The following PCCA variants were observed in gnomAD, a reference collection of about 807,000 sequenced individuals.
PCCA encodes the protein propionyl-CoA carboxylase subunit alpha, also known as propionyl-CoA carboxylase alpha chain, mitochondrial.
Under a neutral mutation model 101.3 loss-of-function variants are expected in PCCA, and 74 were observed. The ratio of observed to expected loss-of-function variants is 0.73; its 90% confidence interval spans 0.61 to 0.89. PCCA has a LOEUF of 0.89. PCCA is among the 40% of genes least tolerant of loss of function. The probability of loss-of-function intolerance (pLI) is 0.00; values close to 1 mark genes in which losing one functional copy is unlikely to be tolerated. For missense variants in PCCA, 891 were observed against 907.0 expected, an observed-to-expected ratio of 0.98 and a Z score of 0.23; for synonymous variants, 294 against 313.6, an observed-to-expected ratio of 0.94 and a Z score of 0.66.
intron 20 of PCCA, among the ~76,000 whole-genome samples, chr13:100,426,369 A>AG (rs1226357695): frequency 1.1e-4 from 17 of 152,030 alleles, no homozygotes; most frequent in African/African-American, 3.9e-4. Flanking sequence ...GAAAAAAAAA[A>AG]AAATCATGGA....
At chr13:100,327,539 A>G (rs987726860) in intron 16 of PCCA, among the ~76,000 whole-genome samples, 1 of 152,348 alleles carries the variant, frequency 6.6e-6, no homozygotes, top group Admixed American at 6.5e-5. Flanking sequence ...TAACCTTTGT[A>G]TGTAAGTCTT....
rs906829942 is a variant in PCCA, at chr13:100,246,107, G to C, written c.637+10229G>C. ...GGGGTGTGGGCTGCCCCTAGGAAGG[G>C]GCATGACCTTAGGCAGAAAGCCGAG... On this transcript the variant is annotated intron_variant, in intron 8 of 23. Coordinates refer to ENST00000376285, the MANE Select transcript of PCCA (RefSeq NM_000282.4). Among the ~76,000 whole-genome samples, 13 of 152,140 alleles carry C rather than the reference G, an allele frequency of 8.5e-5. 1 individual carries two copies. The highest frequency in any genetic ancestry group is 6.5e-5 in the Admixed American group (1 of 15,286).
chr13:100,209,036 G>A (rs772547253), intron 6 of PCCA, among the ~76,000 whole-genome samples: 1 of 152,286 alleles, frequency 6.6e-6, no homozygotes, highest in Admixed American at 6.5e-5. Flanking sequence ...AGATTAGGTG[G>A]TGTAGGACGT....
rs141547903 is a variant in PCCA at position 100,099,354 on chromosome 13, G to A, written c.106-3529G>A. 4.5e-3 allele frequency among the ~76,000 whole-genome samples: 560 copies of A among 124,446 alleles called. 2 individuals carry two copies. Among genetic ancestry groups the A allele is most frequent in the Middle Eastern group, 0.012 (2 of 164 alleles). The allele number at this position is 124,446 out of a possible 152,430, so 81.6% of individuals were successfully genotyped here. A position where few individuals can be genotyped will look rare whatever the true frequency, so the allele number is the denominator to read the frequency against. On this transcript the variant is annotated intron_variant, in intron 1 of 23. Transcript: ENST00000376285. ...TTTTTTTGAGATGGAGTCTTGCTCT[G>A]TCACCCAGACTGGAGTGCAGTGGCG...
intron 18 of PCCA, among the ~76,000 whole-genome samples, chr13:100,353,731 T>A (rs1229828933): frequency 6.6e-6 from 1 of 152,062 alleles, no homozygotes; most frequent in African/African-American, 2.4e-5. Flanking sequence ...GACGAGCAGA[T>A]TGTTTGAGCC....
At chr13:100,498,809 ACTC>A (rs781204821) in intron 21 of PCCA, among the ~76,000 whole-genome samples, 27 of 151,542 alleles carry the variant, frequency 1.8e-4, no homozygotes, top group Non-Finnish European at 3.7e-4. Flanking sequence ...GCTTAAAATA[ACTC>A]CTCCCTATTG....
intron 20 of PCCA, among the ~76,000 whole-genome samples, chr13:100,443,620 TTC>T (rs1201388606): frequency 6.6e-6 from 1 of 151,276 alleles, no homozygotes; most frequent in Non-Finnish European, 1.5e-5. Context: ...TGCACAGACT[TTC>T]TTGCCACGCA....
chr13:100,479,187 T>G (rs2083676543), intron 21 of PCCA, among the ~76,000 whole-genome samples: 1 of 152,204 alleles, frequency 6.6e-6, no homozygotes, highest in African/African-American at 2.4e-5. Flanking sequence ...GGTAAACTCC[T>G]GCTGGTTACT....
intron 12 of PCCA, among the ~76,000 whole-genome samples, chr13:100,282,812 A>G (rs1030573801): frequency 4.6e-5 from 7 of 152,076 alleles, no homozygotes; most frequent in African/African-American, 1.7e-4. Flanking sequence ...AAAGCTTGCA[A>G]TTTACATCCC....
chr13:100,194,574 C>T (rs906119313), intron 6 of PCCA, among the ~76,000 whole-genome samples: 1 of 152,150 alleles, frequency 6.6e-6, no homozygotes, highest in Non-Finnish European at 1.5e-5. Context: ...TGTGCCACCA[C>T]ACCCAGCTAA....
At chr13:100,327,885 G>A (rs553273303) in intron 16 of PCCA, among the ~76,000 whole-genome samples, 1 of 152,088 alleles carries the variant, frequency 6.6e-6, no homozygotes, top group African/African-American at 2.4e-5. Flanking sequence ...TAATTGTGTT[G>A]TAAGTGTTCT....
intron 20 of PCCA, among the ~76,000 whole-genome samples, chr13:100,431,235 GTT>G (rs2079530780): frequency 6.6e-6 from 1 of 152,020 alleles, no homozygotes; most frequent in Non-Finnish European, 1.5e-5. Context: ...TGGCTCTCTT[GTT>G]TTCTCTTCTG....
At chr13:100,493,135 C>A (rs1426218753) in intron 21 of PCCA, among the ~76,000 whole-genome samples, 1 of 152,206 alleles carries the variant, frequency 6.6e-6, no homozygotes, top group Non-Finnish European at 1.5e-5. Context: ...TACCATGGGG[C>A]CAGAGCCCAA....
chr13:100,142,488 T>C (rs1375365020), intron 4 of PCCA, among the ~76,000 whole-genome samples: 1 of 151,586 alleles, frequency 6.6e-6, no homozygotes, highest in Non-Finnish European at 1.5e-5. Context: ...TTTTTTTTTT[T>C]TTTTGAGATG....
chr13:100,230,795 C>G (rs533801451), intron 7 of PCCA, among the ~76,000 whole-genome samples: 1 of 152,168 alleles, frequency 6.6e-6, no homozygotes, highest in African/African-American at 2.4e-5. Context: ...ACCAGCTGGA[C>G]AAGGGTTTCT....
At chr13:100,165,875 C>T (rs900601962) in intron 6 of PCCA, among the ~76,000 whole-genome samples, 9 of 151,844 alleles carry the variant, frequency 5.9e-5, no homozygotes, top group African/African-American at 1.9e-4. Flanking sequence ...CAGAGCAAGA[C>T]CCTGTCTCAA....
At chr13:100,481,510 A>G (rs1035491427) in intron 21 of PCCA, among the ~76,000 whole-genome samples, 16 of 152,160 alleles carry the variant, frequency 1.1e-4, no homozygotes, top group Non-Finnish European at 5.9e-5. Flanking sequence ...GCGAGCCAAG[A>G]TCATGCCACT....
intron 19 of PCCA, among the ~76,000 whole-genome samples, chr13:100,373,940 C>T (rs943973615): frequency 1.3e-5 from 2 of 151,850 alleles, no homozygotes; most frequent in Non-Finnish European, 2.9e-5. Flanking sequence ...AGTGAAACCC[C>T]GTCTCTACTA....
At position 100,390,826 on chromosome 13, in the gene PCCA, C is replaced by T. The variant is rs907480168; in HGVS notation, c.1746+22252C>T. On this transcript the variant is annotated intron_variant, in intron 19 of 23. Transcript: ENST00000376285. ...GAAATGAAATTGTGGTGAGTTCAGA[C>T]ATTGAGATATGCGGACAAGTGGAGT... Among the ~76,000 whole-genome samples, 17 of 152,128 alleles carry T rather than the reference C, an allele frequency of 1.1e-4. 1 individual carries two copies. The highest frequency in any genetic ancestry group is 9.2e-4 in the Admixed American group (14 of 15,278).
Sources: allele counts gnomAD v4.1 joint callset (sites outside exome capture counted in the v4.1 genomes callset), GRCh38; gene constraint gnomAD v4.1.1; transcripts MANE v1.5; gene names NCBI Gene and HGNC (gene_info 2026-07-23, HGNC 2026-07-21).